Variants in TNR observed in about 807,000 individuals in gnomAD.
TNR encodes tenascin-R.
In TNR, 45 loss-of-function variants were observed where a neutral mutation model predicts 150.4. The observed-to-expected ratio is 0.30, with a 90% CI of 0.24 to 0.38. The LOEUF (loss-of-function observed/expected upper bound fraction) is 0.38, where lower values mean the gene tolerates loss of function less well. TNR is among the 10% of genes least tolerant of loss of function. The probability of loss-of-function intolerance (pLI) is 1.00; values close to 1 mark genes in which losing one functional copy is unlikely to be tolerated. For synonymous variants in TNR, 687 were observed against 678.4 expected (o/e 1.01, Z -0.20); for missense variants, 1,544 against 1,759.1 (o/e 0.88, Z 2.19).
intron 1 of TNR, among the ~76,000 whole-genome samples, chr1:175,640,877 A>G (rs1238176514): frequency 1.3e-5 from 2 of 152,000 alleles, no homozygotes; most frequent in African/African-American, 2.4e-5. Flanking sequence ...TAAGAATTAA[A>G]TGTGTAACCC....
In TNR at chr1:175,656,436, C is replaced by T. The variant is rs1020177636; in HGVS notation, c.-165+86790G>A. On this transcript the variant is annotated intron_variant, in intron 1 of 22. Transcript: ENST00000367674. ...CAACCTCTCAGTAAAAATCTCTCAA[C>T]TCCATTAATTCAGCCAGCTCAGCCC... 4.0e-4 allele frequency among the ~76,000 whole-genome samples: 61 copies of T among 152,322 alleles called. 1 individual carries two copies. The highest frequency in any genetic ancestry group is 1.2e-3 in the African/African-American group (51 of 41,572).
intron 2 of TNR, among the ~76,000 whole-genome samples, chr1:175,443,605 AG>A (rs942192492): frequency 6.6e-6 from 1 of 152,176 alleles, no homozygotes; most frequent in Non-Finnish European, 1.5e-5. Flanking sequence ...AGGGTGAGAC[AG>A]CCCCAGTACA....
At chr1:175,528,042 AT>A (rs1204094144) in intron 2 of TNR, among the ~76,000 whole-genome samples, 10 of 152,164 alleles carry the variant, frequency 6.6e-5, no homozygotes, top group African/African-American at 2.2e-4. Flanking sequence ...ATTCAGAAAT[AT>A]TTTATGAGAA....
At chr1:175,379,527 A>G in intron 9 of TNR, 25 bp downstream of exon 9, 1 of 1,602,028 alleles carries the variant, frequency 6.2e-7, no homozygotes, top group South Asian at 1.1e-5. Context: ...AACCAGCATA[A>G]CCCCAAGAGA....
rs1215212638 is a variant in TNR at position 175,727,986 on chromosome 1, T to C, written c.-165+15240A>G. Among the ~76,000 whole-genome samples, 4 of 152,332 alleles carry C rather than the reference T, an allele frequency of 2.6e-5. No individual in the cohort carries two copies. In the East Asian group the frequency reaches 7.7e-4, roughly 29 times the overall value. On this transcript the variant is annotated intron_variant, in intron 1 of 22. Coordinates refer to ENST00000367674, the MANE Select transcript of TNR (RefSeq NM_003285.3). ...CTATTTCTAGTATTCATTTGGGAAT[T>C]ACGGTCATTATTGTTAAGTGACAAC...
chr1:175,655,389 C>T (rs954844431), intron 1 of TNR, among the ~76,000 whole-genome samples: 5 of 152,174 alleles, frequency 3.3e-5, no homozygotes, highest in Non-Finnish European at 7.3e-5. Context: ...TGCAATAAGC[C>T]TATAGGCAGG....
At chr1:175,384,923 A>T (rs1342849265) in intron 8 of TNR, among the ~76,000 whole-genome samples, 1 of 152,194 alleles carries the variant, frequency 6.6e-6, no homozygotes, top group African/African-American at 2.4e-5. Flanking sequence ...ACCCAGCGGA[A>T]CACAGGGGTG....
At position 175,323,567 on chromosome 1, in the gene TNR, A is replaced by G; in HGVS notation, c.3958-91T>C. On this transcript the variant is annotated intron_variant, in intron 22 of 22. Coordinates refer to ENST00000367674, the MANE Select transcript of TNR (RefSeq NM_003285.3). ...GGGTAATTATGGGAACAGGGAATCC[A>G]CAATGTGGGGTTAGCTATTTTCAGC... is the stretch of plus-strand genomic sequence containing the variant. 2.6e-6 allele frequency: 4 copies of G among 1,545,162 alleles called. No individual in the cohort carries two copies. In the Admixed American group the frequency reaches 5.5e-5, roughly 21 times the overall value.
intron 1 of TNR, among the ~76,000 whole-genome samples, chr1:175,642,042 G>A (rs1047450316): frequency 1.6e-4 from 25 of 152,196 alleles, no homozygotes; most frequent in African/African-American, 5.1e-4. Flanking sequence ...AGGCAGACCC[G>A]GTAATCCTAA....
intron 20 of TNR, among the ~76,000 whole-genome samples, chr1:175,332,790 G>C (rs988954898): frequency 5.3e-5 from 8 of 152,078 alleles, no homozygotes; most frequent in African/African-American, 1.9e-4. Context: ...CCTTCTCCAG[G>C]AAGCTGGTCT....
chr1:175,388,821 T>G (rs1653047146), intron 7 of TNR, among the ~76,000 whole-genome samples: 1 of 152,166 alleles, frequency 6.6e-6, no homozygotes, highest in African/African-American at 2.4e-5. Flanking sequence ...TACCACAAAT[T>G]TCTAGATCTG....
chr1:175,360,846 G>A (rs562399127), intron 14 of TNR, among the ~76,000 whole-genome samples: 2 of 152,244 alleles, frequency 1.3e-5, no homozygotes, highest in African/African-American at 2.4e-5. Flanking sequence ...CACCCTGAAG[G>A]AGCACTCACT....
intron 1 of TNR, among the ~76,000 whole-genome samples, chr1:175,642,787 C>T (rs1016346408): frequency 6.6e-6 from 1 of 152,026 alleles, no homozygotes; most frequent in African/African-American, 2.4e-5. Context: ...AAAAATTAGC[C>T]AGGCGCAGTG....
intron 2 of TNR, among the ~76,000 whole-genome samples, chr1:175,442,052 T>C (rs1655814982): frequency 6.6e-6 from 1 of 152,202 alleles, no homozygotes; most frequent in Non-Finnish European, 1.5e-5. Context: ...GTGGAGTCTC[T>C]GGGACTGCTG....
At chr1:175,349,194 C>T (rs1478459498) in intron 18 of TNR, among the ~76,000 whole-genome samples, 1 of 152,182 alleles carries the variant, frequency 6.6e-6, no homozygotes, top group Non-Finnish European at 1.5e-5. Flanking sequence ...CATGGTTAAA[C>T]TATGTAAACA....
rs1403979973 is a variant in TNR, at chr1:175,316,731, C to T, written c.*6626G>A. 2 of 152,110 alleles carry T rather than the reference C, an allele frequency of 1.3e-5. No individual in the cohort carries two copies. Among genetic ancestry groups the T allele is most frequent in the Non-Finnish European group, 2.9e-5 (2 of 68,030 alleles). 9.4% of individuals were successfully genotyped at this position (152,110 alleles called of 1,614,324 possible). A position where few individuals can be genotyped will look rare whatever the true frequency, so the allele number is the denominator to read the frequency against. On this transcript the variant is annotated 3_prime_UTR_variant, in exon 23 of 23. Coordinates refer to ENST00000367674, the MANE Select transcript of TNR (RefSeq NM_003285.3). ...ATGTTCTGGTTCTTATCTTCCCCCT[C>T]TCATTCTGTTGGGGACCCTCTCCCT... is the stretch of plus-strand genomic sequence containing the variant.
intron 20 of TNR, among the ~76,000 whole-genome samples, chr1:175,331,226 C>CTTCT (rs1649907146): frequency 7.5e-6 from 1 of 132,602 alleles, no homozygotes; most frequent in African/African-American, 2.9e-5. Context: ...TCCTTCTTTC[C>CTTCT]TGCCTCCCCT....
chr1:175,426,072 T>C (rs909704445), intron 2 of TNR, among the ~76,000 whole-genome samples: 2 of 152,150 alleles, frequency 1.3e-5, no homozygotes, highest in Admixed American at 1.3e-4. Flanking sequence ...GAGGAAGCTG[T>C]AACAGGAGCC....
Position 175,533,199 on chromosome 1 carries a change from G to A in TNR, c.-164-4830C>T, listed in dbSNP as rs534464782. 9.2e-5 allele frequency among the ~76,000 whole-genome samples: 14 copies of A among 152,292 alleles called. No individual in the cohort carries two copies. The East Asian group carries it at 2.7e-3, about 29-fold the overall frequency. Reference sequence around the variant, plus strand: ...CTCCTACCAGCCACAGACTTGGAAAGGAATTTACTGAATCCCTCTAAGCAC... The same window carrying A: ...CTCCTACCAGCCACAGACTTGGAAAAGAATTTACTGAATCCCTCTAAGCAC... On this transcript the variant is annotated intron_variant, in intron 1 of 22. Coordinates refer to ENST00000367674, the MANE Select transcript of TNR (RefSeq NM_003285.3).
Sources: gnomAD v4.1 joint callset for allele counts (sites outside exome capture counted in the v4.1 genomes callset) on GRCh38, gnomAD v4.1.1 for gene constraint, MANE v1.5 for transcripts, NCBI Gene and HGNC (gene_info 2026-07-23, HGNC 2026-07-21) for gene names.